RFX4: variants seen among roughly 807,000 people sequenced by gnomAD.
RFX4 encodes the protein transcription factor RFX4.
In RFX4, 10 loss-of-function variants were observed where a neutral mutation model predicts 95.0. The ratio of observed to expected loss-of-function variants is 0.11; its 90% CI spans 0.06 to 0.18. The LOEUF (loss-of-function observed/expected upper bound fraction) is 0.18. Among genes scored for constraint, RFX4 ranks in the 10% least tolerant of loss-of-function variants. RFX4 has a pLI of 1.00. For synonymous variants in RFX4, 321 were observed against 340.7 expected, an observed-to-expected ratio of 0.94 and a Z score of 0.64; for missense variants, 640 against 922.0, an observed-to-expected ratio of 0.69 and a Z score of 3.96.
Position 106,602,480 on chromosome 12 carries a change from G to T in RFX4, c.44-6317G>T, listed in dbSNP as rs186179694. 4.2e-3 allele frequency among the ~76,000 whole-genome samples: 635 copies of T among 152,172 alleles called. 7 individuals are homozygous for T. In the East Asian group the frequency reaches 0.056, roughly 13 times the overall value. On this transcript the variant is annotated intron_variant, in intron 1 of 17. Transcript: ENST00000392842. ...TGTTACATAACTAGTAAGTGGCCAG[G>T]CTGGGATTTGAAATCCAGTCAGATT...
intron 7 of RFX4, among the ~76,000 whole-genome samples, chr12:106,692,089 G>A (rs754044237): frequency 5.9e-5 from 9 of 151,660 alleles, no homozygotes; most frequent in African/African-American, 1.2e-4. Context: ...CCCAGGAGGC[G>A]GAGGTTGCAG....
In RFX4 at chr12:106,583,310, A is replaced by T; in HGVS notation, c.-11A>T. On this transcript the variant is annotated 5_prime_UTR_variant, in exon 1 of 18. The change abolishes an upstream ATG in the 5' untranslated region. Transcript: ENST00000392842. ...CTTTTGGGGGGCGCCTGTGCTGTCC[A>T]TGGGAAGAGCATGCATTGTGGGTTA... 1 of 1,577,666 alleles carries T rather than the reference A, an allele frequency of 6.3e-7. No homozygotes were observed.
rs2043200570 is a variant in RFX4, at chr12:106,761,054, G to C, written c.1936-143G>C. Reference sequence around the variant, plus strand: ...TTCCCTAAGACCAATATTCAGTCTTGTAGAAGTTCAGTGATTCTTCTCCAT... The same window carrying C: ...TTCCCTAAGACCAATATTCAGTCTTCTAGAAGTTCAGTGATTCTTCTCCAT... On this transcript the variant is annotated intron_variant, in intron 17 of 17. Transcript: ENST00000392842. 4 of 924,602 alleles carry C rather than the reference G, an allele frequency of 4.3e-6. No homozygotes were observed. In the South Asian group the frequency reaches 6.5e-5, roughly 15 times the overall value. 57.3% of individuals were successfully genotyped at this position (924,602 alleles called of 1,614,324 possible).
chr12:106,725,186 G>A lies in RFX4; in HGVS notation c.1351+4310G>A, dbSNP rs141155793. Among the ~76,000 whole-genome samples the A allele has an allele frequency of 5.1e-3, 780 of 152,156 alleles. 5 individuals are homozygous for A. The highest frequency in any genetic ancestry group is 0.017 in the African/African-American group (706 of 41,494). ...ATCATGTGTCAGCTCACAGTTCCACGTGCAAGTGCCCCAAATGTGAAGTCA... is the reference window on the plus strand; with the variant it reads ...ATCATGTGTCAGCTCACAGTTCCACATGCAAGTGCCCCAAATGTGAAGTCA... On this transcript the variant is annotated intron_variant, in intron 13 of 17. Coordinates refer to ENST00000392842, the MANE Select transcript of RFX4 (RefSeq NM_213594.3).
chr12:106,591,369 G>T (rs2039542670), intron 1 of RFX4, among the ~76,000 whole-genome samples: 1 of 142,396 alleles, frequency 7.0e-6, no homozygotes, highest in Non-Finnish European at 1.5e-5. Context: ...CCAGGTTCAA[G>T]CAATTCTCCT....
At position 106,678,314 on chromosome 12, in the gene RFX4, T is replaced by G. The variant is rs115988742; in HGVS notation, c.316-3679T>G. Among the ~76,000 whole-genome samples the G allele has an allele frequency of 8.3e-3, 1,266 of 152,328 alleles. 25 individuals are homozygous for G. The highest frequency in any genetic ancestry group is 0.029 in the African/African-American group (1,209 of 41,564). On this transcript the variant is annotated intron_variant, in intron 4 of 17. Transcript: ENST00000392842. ...CTTGGCCTGTGTTGCTTTATAGATG[T>G]TATGTAGGATACCATTTGGATAAAC...
intron 5 of RFX4, among the ~76,000 whole-genome samples, chr12:106,685,226 T>C (rs2041618908): frequency 6.6e-6 from 1 of 151,934 alleles, no homozygotes; most frequent in Non-Finnish European, 1.5e-5. Flanking sequence ...TCTTCTTCTT[T>C]TAGTCCTAGC....
chr12:106,707,500 G>A (rs1224943012), intron 8 of RFX4, among the ~76,000 whole-genome samples: 1 of 152,138 alleles, frequency 6.6e-6, no homozygotes, highest in Non-Finnish European at 1.5e-5. Context: ...AGGAGCAGCA[G>A]AAGGAGGGAT....
intron 1 of RFX4, chr12:106,601,172 T>A: frequency 2.7e-6 from 4 of 1,504,138 alleles, no homozygotes; most frequent in East Asian, 2.5e-5. Flanking sequence ...AGCCACCCCC[T>A]GGAGAGGCCA....
intron 1 of RFX4, 108 bp from the exon 2 acceptor site, chr12:106,608,689 A>C (rs2039889544): frequency 1.9e-6 from 2 of 1,028,276 alleles, no homozygotes; most frequent in African/African-American, 1.6e-5. Context: ...TGAGCATTTA[A>C]ATCTAATGCA....
intron 2 of RFX4, among the ~76,000 whole-genome samples, chr12:106,614,357 C>T (rs760847936): frequency 3.4e-4 from 51 of 151,740 alleles, no homozygotes; most frequent in East Asian, 1.2e-3. Context: ...GACTGGGTTT[C>T]GGCATATTGG....
intron 7 of RFX4, among the ~76,000 whole-genome samples, chr12:106,695,145 G>T (rs1319264509): frequency 6.6e-6 from 1 of 152,168 alleles, no homozygotes; most frequent in Non-Finnish European, 1.5e-5. Flanking sequence ...ACAGGGATGT[G>T]GATAATGCTA....
rs568335971 is a variant in RFX4 at position 106,655,783 on chromosome 12, T to C, written c.315+1432T>C. On this transcript the variant is annotated intron_variant, in intron 4 of 17. Transcript: ENST00000392842. ...TCAGGGGGATGTTGCAAGAGTCAAC[T>C]GAGATGATGTCAGTGGATGATGGAA... Among the ~76,000 whole-genome samples, 4 of 152,320 alleles carry C rather than the reference T, an allele frequency of 2.6e-5. No individual in the cohort carries two copies. The South Asian group carries it at 8.3e-4, about 32-fold the overall frequency.
Position 106,709,382 on chromosome 12 carries a change from G to A in RFX4, c.886G>A (p.Val296Met). The change falls in exon 9 of 18, where the codon GTG becomes ATG. Residue 296 changes from valine (V) to methionine (M), a missense_variant. Coordinates refer to ENST00000392842, the MANE Select transcript of RFX4 (RefSeq NM_213594.3). ...FAKQLDEWLKVALHDLPENLR... is the reference protein window; with the variant it reads ...FAKQLDEWLKMALHDLPENLR... ...CAAGCAACTGGATGAGTGGCTAAAA[G>A]TGGCTCTCCACGACCTCCCAGAAAA... 6.2e-7 allele frequency: 1 copy of A among 1,613,444 alleles called. No homozygotes were observed. The highest frequency in any genetic ancestry group is 8.5e-7 in the Non-Finnish European group (1 of 1,179,870).
chr12:106,730,680 A>C (rs968645331), intron 13 of RFX4, among the ~76,000 whole-genome samples: 4 of 152,106 alleles, frequency 2.6e-5, no homozygotes, highest in African/African-American at 9.7e-5. Context: ...CAGAATGACA[A>C]AAAAAATAAT....
chr12:106,615,877 A>G (rs1455877360), intron 2 of RFX4, among the ~76,000 whole-genome samples: 1 of 152,214 alleles, frequency 6.6e-6, no homozygotes, highest in East Asian at 1.9e-4. Context: ...TTTTTTGAAC[A>G]TTCTATGAAC....
At chr12:106,626,352 G>C (rs1225104024) in intron 2 of RFX4, among the ~76,000 whole-genome samples, 2 of 152,204 alleles carry the variant, frequency 1.3e-5, no homozygotes, top group Non-Finnish European at 2.9e-5. Context: ...GGATCCATGT[G>C]GTTCCTGCAG....
At chr12:106,754,317 C>T (rs767429432) in intron 17 of RFX4, among the ~76,000 whole-genome samples, 50 of 152,296 alleles carry the variant, frequency 3.3e-4, no homozygotes, top group African/African-American at 6.5e-4. Context: ...TGACTGAGAA[C>T]GGCTGCAACA....
At chr12:106,644,153 C>A (rs1411049510) in intron 3 of RFX4, among the ~76,000 whole-genome samples, 1 of 151,182 alleles carries the variant, frequency 6.6e-6, no homozygotes, top group African/African-American at 2.4e-5. Context: ...ACTCATGGTT[C>A]ATAAAGAACA....
Sources: gnomAD v4.1 joint callset for allele counts (sites outside exome capture counted in the v4.1 genomes callset) on GRCh38, gnomAD v4.1.1 for gene constraint, MANE v1.5 for transcripts, NCBI Gene and HGNC (gene_info 2026-07-23, HGNC 2026-07-21) for gene names.